CYB5RL: variants seen among roughly 807,000 people sequenced by gnomAD.
CYB5RL encodes cytochrome b5 reductase like, also known as NADH-cytochrome b5 reductase-like.
CYB5RL carries 38 observed loss-of-function variants against 37.5 expected under a neutral mutation model. The observed-to-expected ratio is 1.01, with a 90% CI of 0.78 to 1.33. CYB5RL has a LOEUF of 1.33. Ranked by LOEUF, CYB5RL falls within the 40% of genes most tolerant of loss-of-function variation. The pLI is 0.00. For synonymous variants in CYB5RL, 141 were observed against 151.9 expected (o/e 0.93, Z 0.53); for missense variants, 388 against 394.4 (o/e 0.98, Z 0.14).
chr1:54,188,970 G>A (rs989840467), intron 4 of CYB5RL, among the ~76,000 whole-genome samples: 12 of 152,176 alleles, frequency 7.9e-5, no homozygotes, highest in Admixed American at 6.5e-5. Context: ...GGATCACGAG[G>A]TCAAGAGATC....
chr1:54,184,159 A>G lies in CYB5RL; in HGVS notation c.540+2T>C. 1 of 1,612,292 alleles carries G rather than the reference A, an allele frequency of 6.2e-7. No individual in the cohort carries two copies. Among genetic ancestry groups the G allele is most frequent in the South Asian group, 1.1e-5 (1 of 90,524 alleles). On this transcript the variant is annotated splice_donor_variant, in intron 6 of 7. Transcript: ENST00000534324. LOFTEE classifies it high-confidence loss of function. ...CTGAAGATTTAAGGTGCTGGCACTGACCTGGTTTGGTTTATAGAAGAAATC... is the reference window on the plus strand; with the variant it reads ...CTGAAGATTTAAGGTGCTGGCACTGGCCTGGTTTGGTTTATAGAAGAAATC...
intron 6 of CYB5RL, chr1:54,179,963 C>T (rs528034066): frequency 2.2e-5 from 10 of 453,984 alleles, no homozygotes; most frequent in Admixed American, 1.6e-4. Context: ...GGTGAGTTCC[C>T]GGCCAGGAGT....
At chr1:54,180,006 G>A (rs567331691) in intron 6 of CYB5RL, 50 of 453,472 alleles carry the variant, frequency 1.1e-4, no homozygotes, top group South Asian at 6.4e-4. Flanking sequence ...AGTACTTTGG[G>A]AGGCCAAGGT....
intron 3 of CYB5RL, among the ~76,000 whole-genome samples, chr1:54,192,689 A>G (rs577661986): frequency 6.6e-6 from 1 of 152,144 alleles, no homozygotes; most frequent in East Asian, 1.9e-4. Context: ...GACATGCCCA[A>G]CATCATACAA....
intron 4 of CYB5RL, 137 bp from the exon 5 acceptor site, chr1:54,187,876 G>T: frequency 1.5e-6 from 1 of 663,992 alleles, no homozygotes. Flanking sequence ...AGGAGTTTGA[G>T]ACCAGCCTGG....
rs757934144 is a variant in CYB5RL, at chr1:54,195,586, T to C, written c.31A>G (p.Thr11Ala). 1 of 1,612,640 alleles carries C rather than the reference T, an allele frequency of 6.2e-7. No homozygotes were observed. The highest frequency in any genetic ancestry group is 1.3e-5 in the African/African-American group (1 of 74,916). ...CGTAGCTGCATCCAGGCTTCCTCAG[T>C]GTCGTCGTCCTCTTCCCTCTCAGCC... Reference protein sequence around the residue: MMAEREEDDDTEEAWMQLRPT... With the variant: MMAEREEDDDAEEAWMQLRPT... The change falls in exon 3 of 8, where the codon ACT becomes GCT. Residue 11 changes from threonine (T) to alanine (A), a missense_variant. By Grantham distance (58) the Thr-to-Ala change is moderately conservative. Transcript: ENST00000534324.
At chr1:54,190,578 T>C (rs961228296) in intron 4 of CYB5RL, 170 bp downstream of exon 4, 1 of 751,802 alleles carries the variant, frequency 1.3e-6, no homozygotes, top group Non-Finnish European at 2.1e-6. Flanking sequence ...ATTATGAAAA[T>C]GCATTATCTA....
intron 5 of CYB5RL, chr1:54,185,652 AG>A (rs1217507685): frequency 6.6e-6 from 1 of 152,160 alleles, no homozygotes; most frequent in Non-Finnish European, 1.5e-5. Context: ...AGGAAAGGTG[AG>A]GTTTTTCTCC....
chr1:54,193,376 G>C (rs1190243172), intron 3 of CYB5RL, among the ~76,000 whole-genome samples: 1 of 152,216 alleles, frequency 6.6e-6, no homozygotes, highest in Non-Finnish European at 1.5e-5. Flanking sequence ...GTTAGGAAGA[G>C]AAATGAAATT....
intron 1 of CYB5RL, among the ~76,000 whole-genome samples, chr1:54,199,330 G>A (rs936356901): frequency 1.3e-5 from 2 of 152,164 alleles, no homozygotes; most frequent in Non-Finnish European, 1.5e-5. Context: ...CATATCTTAG[G>A]GTGAGAAACA....
intron 7 of CYB5RL, among the ~76,000 whole-genome samples, chr1:54,178,121 A>G (rs981798203): frequency 1.1e-4 from 17 of 152,190 alleles, no homozygotes; most frequent in African/African-American, 3.6e-4. Context: ...ATGTCATGCC[A>G]CTGAGCATTC....
chr1:54,181,102 C>A (rs532670620), intron 6 of CYB5RL, among the ~76,000 whole-genome samples: 5 of 152,316 alleles, frequency 3.3e-5, no homozygotes, highest in African/African-American at 4.8e-5. Flanking sequence ...CTGAGACTCA[C>A]GCCTGGCAGC....
chr1:54,194,115 A>G (rs1643983662), intron 3 of CYB5RL, among the ~76,000 whole-genome samples: 1 of 151,616 alleles, frequency 6.6e-6, no homozygotes, highest in Admixed American at 6.6e-5. Context: ...TCACGCCTCT[A>G]ATCCCAGTAC....
At chr1:54,188,001 G>A (rs138554406) in intron 4 of CYB5RL, 30 of 446,698 alleles carry the variant, frequency 6.7e-5, no homozygotes, top group East Asian at 2.9e-4. Flanking sequence ...ACTTGAACCC[G>A]GGAGGTGGAG....
intron 6 of CYB5RL, among the ~76,000 whole-genome samples, chr1:54,182,015 A>G (rs1401129347): frequency 6.6e-6 from 1 of 152,200 alleles, no homozygotes; most frequent in Non-Finnish European, 1.5e-5. Context: ...GTGAAGGAGC[A>G]GCCACAAGGC....
At chr1:54,187,817 T>C in intron 4 of CYB5RL, 78 bp from the exon 5 acceptor site, 1 of 1,286,636 alleles carries the variant, frequency 7.8e-7, no homozygotes, top group Non-Finnish European at 1.1e-6. Flanking sequence ...GGCTCATGTC[T>C]GTAATCCCCA....
In CYB5RL at chr1:54,171,102, G is replaced by A. The variant is rs1205159499; in HGVS notation, c.*3517C>T. 2.2e-6 allele frequency: 1 copy of A among 455,750 alleles called. No homozygotes were observed. The highest frequency in any genetic ancestry group is 4.4e-6 in the Non-Finnish European group (1 of 226,622). 28.2% of individuals were successfully genotyped at this position (455,750 alleles called of 1,614,324 possible). A position where few individuals can be genotyped will look rare whatever the true frequency, so the allele number is the denominator to read the frequency against. On this transcript the variant is annotated 3_prime_UTR_variant, in exon 8 of 8. Transcript: ENST00000534324. ...ACAAGCCTCTCTGCTCACTGACCAA[G>A]CTGGAGTGGAAGAGACAGGCGAGGC...
At chr1:54,189,378 G>A (rs924925027) in intron 4 of CYB5RL, among the ~76,000 whole-genome samples, 24 of 152,092 alleles carry the variant, frequency 1.6e-4, no homozygotes, top group Non-Finnish European at 1.0e-4. Flanking sequence ...CTGCAGGATA[G>A]GCCAGCCACT....
At chr1:54,194,499 G>T (rs1435304060) in intron 3 of CYB5RL, among the ~76,000 whole-genome samples, 1 of 152,126 alleles carries the variant, frequency 6.6e-6, no homozygotes, top group East Asian at 1.9e-4. Flanking sequence ...CCACAAGAAT[G>T]GGGAATGGTT....
Sources: gnomAD v4.1 joint callset for allele counts (sites outside exome capture counted in the v4.1 genomes callset) on GRCh38, gnomAD v4.1.1 for gene constraint, MANE v1.5 for transcripts, NCBI Gene and HGNC (gene_info 2026-07-23, HGNC 2026-07-21) for gene names.